KANK3: variants seen among roughly 807,000 people sequenced by gnomAD.
KANK3 encodes the protein KN motif and ankyrin repeat domain-containing protein 3.
A neutral mutation model predicts 65.4 loss-of-function variants in KANK3; 61 were observed. The ratio of observed to expected loss-of-function variants is 0.93; its 90% confidence interval spans 0.76 to 1.15. The LOEUF (loss-of-function observed/expected upper bound fraction) is 1.15. Ranked by LOEUF, KANK3 falls within the 50% of genes most tolerant of loss-of-function variation. The probability of loss-of-function intolerance (pLI) is 0.00; values close to 1 mark genes in which losing one functional copy is unlikely to be tolerated. For synonymous variants in KANK3, 586 were observed against 543.3 expected (o/e 1.08, Z -1.09); for missense variants, 1,187 against 1,178.8 (o/e 1.01, Z -0.10).
In KANK3 at chr19:8,334,885, C is replaced by T; in HGVS notation, c.942G>A (p.Ala314=). The T allele has an allele frequency of 1.4e-6, 2 of 1,458,338 alleles. No homozygotes were observed. 90.3% of individuals were successfully genotyped at this position (1,458,338 alleles called of 1,614,324 possible). The part of the protein sequence containing the change: ...AAEAVPETRE[A]GAQAVPETRE... ...GGGTCTCCGGCACGGCCTGGGCACC[C>T]GCTTCTCGGGTCTCGGGCACGGCCT... The change falls in exon 3 of 11, where the codon GCG becomes GCA. Residue 314 remains alanine (A), a synonymous_variant. Transcript: ENST00000330915.
At chr19:8,323,221 C>G (rs995439647) in intron 10 of KANK3, 4 of 225,514 alleles carry the variant, frequency 1.8e-5, no homozygotes, top group Admixed American at 1.1e-4. Flanking sequence ...TCCCAAACAT[C>G]ACAGCTTAGC....
intron 4 of KANK3, 46 bp downstream of exon 4, chr19:8,334,274 G>A (rs1970586056): frequency 6.2e-7 from 1 of 1,610,136 alleles, no homozygotes; most frequent in Non-Finnish European, 8.5e-7. Context: ...TCCAACCCCA[G>A]TCTATGTCCC....
chr19:8,334,154 T>C (rs969179844), intron 4 of KANK3, 38 bp from the exon 5 acceptor site: 1 of 1,490,268 alleles, frequency 6.7e-7, no homozygotes. Flanking sequence ...AAACCTCCCC[T>C]GTGGGCTCGT....
At position 8,334,886 on chromosome 19, in the gene KANK3, G is replaced by A; in HGVS notation, c.941C>T (p.Ala314Val). 4 of 1,457,266 alleles carry A rather than the reference G, an allele frequency of 2.7e-6. No individual in the cohort carries two copies. Among genetic ancestry groups the A allele is most frequent in the Non-Finnish European group, 3.6e-6 (4 of 1,113,972 alleles). 90.3% of individuals were successfully genotyped at this position (1,457,266 alleles called of 1,614,324 possible). A position where few individuals can be genotyped will look rare whatever the true frequency, so the allele number is the denominator to read the frequency against. ...AAEAVPETRE[A>V]GAQAVPETRE... is the part of the protein sequence containing the mutation. ...GGTCTCCGGCACGGCCTGGGCACCC[G>A]CTTCTCGGGTCTCGGGCACGGCCTC... Residue 314 changes from alanine to valine, a missense_variant, in exon 3 of 11, where the codon GCG becomes GTG. Around this residue, in one of 3 missense-constraint regions of KANK3, gnomAD observed 1,078 missense variants for 1,038.2 expected, o/e 1.04. Transcript: ENST00000330915.
intron 1 of KANK3, among the ~76,000 whole-genome samples, chr19:8,338,604 G>A (rs1017884917): frequency 1.1e-4 from 16 of 151,924 alleles, no homozygotes; most frequent in African/African-American, 3.6e-4. Flanking sequence ...GGCTGGGCGC[G>A]GTGGCTCACG....
rs1599647466 is a variant in KANK3, at chr19:8,333,157, G to A, written c.1793C>T (p.Ala598Val). 2 of 1,613,044 alleles carry A rather than the reference G, an allele frequency of 1.2e-6. No individual in the cohort carries two copies. The highest frequency in any genetic ancestry group is 1.7e-6 in the Non-Finnish European group (2 of 1,179,934). The change falls in exon 7 of 11, where the codon GCC becomes GTC. Residue 598 changes from alanine to valine, a missense_variant. By Grantham distance (64) the Ala-to-Val change is moderately conservative. Transcript: ENST00000330915. This position sits in a 1 kb window ranked among gnomAD's most constrained non-coding sequence, Gnocchi z 5.0. ...GCGCCTCACCCCTTCCAGCATCCTGGCCACGGGCTCCGCCTGAGAGCGCCG... is the reference window on the plus strand; with the variant it reads ...GCGCCTCACCCCTTCCAGCATCCTGACCACGGGCTCCGCCTGAGAGCGCCG... ...SQRRSQAEPV[A>V]RMLEGVRRLG... is the part of the protein sequence containing the mutation.
intron 7 of KANK3, among the ~76,000 whole-genome samples, chr19:8,329,969 G>A (rs190490549): frequency 7.2e-5 from 11 of 152,294 alleles, no homozygotes; most frequent in African/African-American, 2.4e-4. Context: ...GATTAGGCTG[G>A]AGGGAGAGAG....
intron 2 of KANK3, among the ~76,000 whole-genome samples, chr19:8,337,316 G>A (rs2145438559): frequency 6.8e-6 from 1 of 147,978 alleles, no homozygotes; most frequent in South Asian, 2.1e-4. Context: ...CCATTCTCCT[G>A]CCTCAGCCTC....
In KANK3 at chr19:8,325,114, G is replaced by C. The variant is rs1332665804; in HGVS notation, c.1937-18C>G. The C allele has an allele frequency of 6.2e-7, 1 of 1,602,564 alleles. No individual in the cohort carries two copies. The highest frequency in any genetic ancestry group is 8.5e-7 in the Non-Finnish European group (1 of 1,175,904). On this transcript the variant is annotated intron_variant, in intron 7 of 10. Transcript: ENST00000330915. ...GCAGGCCCCTGGGAGAGAAAAGGGGGCCGTCCACGGAGATGCCAACACCGC... is the reference window on the plus strand; with the variant it reads ...GCAGGCCCCTGGGAGAGAAAAGGGGCCCGTCCACGGAGATGCCAACACCGC...
At chr19:8,339,928 C>T (rs1019018598) in intron 1 of KANK3, among the ~76,000 whole-genome samples, 5 of 133,788 alleles carry the variant, frequency 3.7e-5, no homozygotes, top group African/African-American at 1.4e-4. Flanking sequence ...CATGCCACTG[C>T]ATTCCAGCCT....
At chr19:8,325,296 C>CTTTTTTTTTTTT (rs573315741) in intron 7 of KANK3, among the ~76,000 whole-genome samples, 200 bp from the exon 8 acceptor site, 873 of 78,614 alleles carry the variant, frequency 0.011, 102 homozygotes, top group African/African-American at 0.02. Flanking sequence ...CCTGTTTCAT[C>CTTTTTTTTTTTT]TTTTTTTTTT....
chr19:8,323,207 A>G (rs1280903446), intron 10 of KANK3: 1 of 251,672 alleles, frequency 4.0e-6, no homozygotes, highest in Non-Finnish European at 7.6e-6. Flanking sequence ...TAATACACCT[A>G]ATCTCCCAAA....
Position 8,334,032 on chromosome 19 carries a change from C to T in KANK3, c.1512G>A (p.Ser504=), listed in dbSNP as rs995960419. The T allele has an allele frequency of 5.2e-6, 8 of 1,549,034 alleles. No homozygotes were observed. The African/African-American group carries it at 8.2e-5, about 16-fold the overall frequency. The change falls in exon 5 of 11, where the codon TCG becomes TCA. Residue 504 remains serine, a synonymous_variant. Transcript: ENST00000330915. The part of the protein sequence containing the change: ...NGGAEPPGSS[S]GSGDDSGGGS... ...CCCCGCCGCTGTCATCCCCGGAGCC[C>T]GAGGAGCTACCCGGGGGCTCGGCGC... is the stretch of plus-strand genomic sequence containing the variant.
chr19:8,335,007 C>A lies in KANK3; in HGVS notation c.820G>T (p.Gly274Cys). 2 of 1,472,554 alleles carry A rather than the reference C, an allele frequency of 1.4e-6. No homozygotes were observed. The highest frequency in any genetic ancestry group is 1.8e-6 in the Non-Finnish European group (2 of 1,121,640). The allele number at this position is 1,472,554 out of a possible 1,614,324, so 91.2% of individuals were successfully genotyped here. A position where few individuals can be genotyped will look rare whatever the true frequency, so the allele number is the denominator to read the frequency against. ...CCCTCGCTGCGCCCTGCAGCCAGGC[C>A]GTCTGGGCTGTCAGCCCGGGGGCTG... ...RASPRADSPD[G>C]LAAGRSEGAL... Residue 274 changes from glycine (G) to cysteine (C), a missense_variant, in exon 3 of 11, where the codon GGC (glycine) becomes TGC (cysteine). Physicochemically the swap from Gly to Cys is radical, Grantham distance 159. Around this residue, in one of 3 missense-constraint regions of KANK3, gnomAD observed 1,078 missense variants for 1,038.2 expected, o/e 1.04. Transcript: ENST00000330915.
At chr19:8,342,622 G>A (rs1470779564) in intron 1 of KANK3, among the ~76,000 whole-genome samples, 1 of 152,072 alleles carries the variant, frequency 6.6e-6, no homozygotes, top group South Asian at 2.1e-4. Flanking sequence ...GCGCCTTCCA[G>A]GAGGCCCTGA....
At chr19:8,332,899 T>C in intron 7 of KANK3, 115 bp downstream of exon 7, 1 of 702,620 alleles carries the variant, frequency 1.4e-6, no homozygotes, top group South Asian at 1.7e-5. Context: ...AGTGGTGCCC[T>C]GTGCTGGACA....
intron 1 of KANK3, among the ~76,000 whole-genome samples, chr19:8,341,539 C>A (rs965633000): frequency 6.6e-6 from 1 of 152,058 alleles, no homozygotes; most frequent in Non-Finnish European, 1.5e-5. Context: ...GCCTCCCAAG[C>A]AGCTGGGATT....
intron 7 of KANK3, among the ~76,000 whole-genome samples, chr19:8,332,324 T>C (rs956150377): frequency 2.0e-5 from 3 of 151,840 alleles, no homozygotes; most frequent in African/African-American, 4.8e-5. Flanking sequence ...ATTACAGGCA[T>C]GTACCACCAC....
At chr19:8,337,951 C>A in intron 1 of KANK3, 95 bp from the exon 2 acceptor site, 1 of 1,524,746 alleles carries the variant, frequency 6.6e-7, no homozygotes, top group Non-Finnish European at 8.8e-7. Flanking sequence ...CCCAAGAGCT[C>A]TCCTCCACCC....
Sources: allele counts gnomAD v4.1 joint callset (sites outside exome capture counted in the v4.1 genomes callset), GRCh38; gene constraint gnomAD v4.1.1; regional missense constraint gnomAD v4.1.1; non-coding constraint Gnocchi (gnomAD v3.1); transcripts MANE v1.5; gene names NCBI Gene and HGNC (gene_info 2026-07-23, HGNC 2026-07-21).